The following GLOD4 variants were observed in gnomAD, a reference collection of about 807,000 sequenced individuals.
The protein encoded by GLOD4 is glyoxalase domain containing 4.
Under a neutral mutation model 39.1 loss-of-function variants are expected in GLOD4, and 44 were observed. The observed-to-expected ratio is 1.13, with a 90% CI of 0.88 to 1.45. The LOEUF is 1.45. GLOD4 is among the 40% of genes most tolerant of loss of function. GLOD4 has a pLI of 0.00. For missense variants in GLOD4, 405 were observed against 366.4 expected (o/e 1.11, Z -0.86); for synonymous variants, 145 against 135.0 (o/e 1.07, Z -0.52).
In GLOD4 at chr17:776,987, G is replaced by A. The variant is rs1458879034; in HGVS notation, c.142C>T (p.Pro48Ser). ...GTTTTACTCCATTTCCCATCATAAG[G>A]CCTAGAAAATAAAAGTAAATGAACT... is the stretch of plus-strand genomic sequence containing the variant. ...EEGCKAACNGPYDGKWSKTMV... is the reference protein window; with the variant it reads ...EEGCKAACNGSYDGKWSKTMV... Residue 48 changes from proline (P) to serine (S), a missense_variant and splice_region_variant, in exon 3 of 9, where the codon CCT becomes TCT. Transcript: ENST00000301329. 5.0e-6 allele frequency: 8 copies of A among 1,610,236 alleles called. No homozygotes were observed. Among genetic ancestry groups the A allele is most frequent in the Non-Finnish European group, 6.8e-6 (8 of 1,176,616 alleles).
In GLOD4 at chr17:770,556, A is replaced by G. The variant is rs189223792; in HGVS notation, c.544-49T>C. ...TTTTGGAACAGGTTATACATTCATT[A>G]CACGTATGTGGTAGAAAAATTCAAA... On this transcript the variant is annotated intron_variant, in intron 5 of 8. Transcript: ENST00000301329. 3.0e-4 allele frequency: 254 copies of G among 842,906 alleles called. No individual in the cohort carries two copies. In the African/African-American group the frequency reaches 3.7e-3, roughly 12 times the overall value. 52.2% of individuals were successfully genotyped at this position (842,906 alleles called of 1,614,324 possible). A position where few individuals can be genotyped will look rare whatever the true frequency, so the allele number is the denominator to read the frequency against.
chr17:770,011 G>A, intron 7 of GLOD4, 33 bp downstream of exon 7: 11 of 1,551,630 alleles, frequency 7.1e-6, no homozygotes, highest in Non-Finnish European at 9.8e-6. Context: ...GAAACCCCTG[G>A]TCCAGCCTGC....
rs751544414 is a variant in GLOD4 at position 782,265 on chromosome 17, C to T, written c.-10G>A. 3 of 1,613,058 alleles carry T rather than the reference C, an allele frequency of 1.9e-6. No individual in the cohort carries two copies. Among genetic ancestry groups the T allele is most frequent in the African/African-American group, 2.7e-5 (2 of 74,918 alleles). On this transcript the variant is annotated 5_prime_UTR_variant, in exon 1 of 9. Transcript: ENST00000301329. ...CTCTGCGAGCAGCCATGATTCCCGC[C>T]GCACGCAGCCGTCACGCGCACCGTA...
At chr17:777,170 C>A (rs1670561341) in intron 2 of GLOD4, 182 bp from the exon 3 acceptor site, 4 of 602,618 alleles carry the variant, frequency 6.6e-6, no homozygotes, top group Non-Finnish European at 1.2e-5. Context: ...GACCCTACTA[C>A]AAGCTCCAAA....
intron 8 of GLOD4, among the ~76,000 whole-genome samples, chr17:762,001 C>A (rs1251265371): frequency 2.0e-5 from 3 of 152,192 alleles, no homozygotes; most frequent in Non-Finnish European, 4.4e-5. Context: ...ATGTCACATG[C>A]TCTGTCAGAG....
Position 773,858 on chromosome 17 carries a change from T to TTAACGC in GLOD4, c.406+1911_406+1916dup, listed in dbSNP as rs1209651131. 3.3e-5 allele frequency among the ~76,000 whole-genome samples: 5 copies of TTAACGC among 152,192 alleles called. No individual in the cohort carries two copies. In the East Asian group the frequency reaches 5.8e-4, roughly 18 times the overall value. Reference sequence around the variant, plus strand: ...GCCTGAAGGGACGCAGGACAGGAAGTTAACGCGTGGGTGAAGCTGCACAGA... The same window carrying TTAACGC: ...GCCTGAAGGGACGCAGGACAGGAAGTTAACGCTAACGCGTGGGTGAAGCTGCACAGA... On this transcript the variant is annotated intron_variant, in intron 4 of 8. Transcript: ENST00000301329.
At chr17:771,143 T>G (rs1196032868) in intron 5 of GLOD4, 182 bp downstream of exon 5, 1 of 463,394 alleles carries the variant, frequency 2.2e-6, no homozygotes, top group Non-Finnish European at 3.8e-6. Context: ...CAAGGTAATA[T>G]CTGGGTGGTA....
At chr17:764,549 G>A (rs1471895129) in intron 8 of GLOD4, 2 of 152,034 alleles carry the variant, frequency 1.3e-5, no homozygotes, top group East Asian at 3.8e-4. Context: ...ACACTAGAAT[G>A]TTCATGGCAG....
chr17:762,279 AAAT>A (rs2144264386), intron 8 of GLOD4, among the ~76,000 whole-genome samples: 1 of 152,382 alleles, frequency 6.6e-6, no homozygotes, highest in South Asian at 2.1e-4. Context: ...AAACACAACA[AAAT>A]AACACCAAAA....
chr17:770,976 C>T (rs1459497469), intron 5 of GLOD4: 1 of 205,948 alleles, frequency 4.9e-6, no homozygotes, highest in East Asian at 1.4e-4. Context: ...TAAAATAATT[C>T]CTAGGAGTAG....
chr17:778,703 G>C lies in GLOD4; in HGVS notation c.132C>G (p.Ala44=), dbSNP rs1379635770. 5.1e-6 allele frequency: 8 copies of C among 1,583,890 alleles called. No homozygotes were observed. The Admixed American group carries it at 1.0e-4, about 20-fold the overall frequency. ...HEEFEEGCKA[A]CNGPYDGKWS... ...GAAACAAGGTATCATACCCATTACA[G>C]GCAGCTTTGCAGCCTTCTTCAAATT... The change falls in exon 2 of 9, where the codon GCC becomes GCG. Residue 44 remains alanine, a synonymous_variant. Coordinates refer to ENST00000301329, the MANE Select transcript of GLOD4 (RefSeq NM_016080.4).
At chr17:773,234 G>A (rs1908300554) in intron 4 of GLOD4, among the ~76,000 whole-genome samples, 1 of 152,112 alleles carries the variant, frequency 6.6e-6, no homozygotes, top group Non-Finnish European at 1.5e-5. Context: ...GAAAGAACAA[G>A]TCCATTTTCA....
Position 762,246 on chromosome 17 carries a change from C to T in GLOD4, c.832-2008G>A, listed in dbSNP as rs138370109. Among the ~76,000 whole-genome samples the T allele has an allele frequency of 6.4e-3, 982 of 152,282 alleles. 10 individuals are homozygous for T. The highest frequency in any genetic ancestry group is 0.017 in the Middle Eastern group (5 of 294). ...AAAGTGACTGTCTGTAAATCTAAAA[C>T]GACTATTAAATGTTAAAAAACAAAA... On this transcript the variant is annotated intron_variant, in intron 8 of 8. Coordinates refer to ENST00000301329, the MANE Select transcript of GLOD4 (RefSeq NM_016080.4).
rs1480149536 is a variant in GLOD4, at chr17:760,361, C to T, written c.832-123G>A. The T allele has an allele frequency of 1.6e-5, 10 of 629,488 alleles. 1 individual carries two copies. The South Asian group carries it at 1.8e-4, about 11-fold the overall frequency. The allele number at this position is 629,488 out of a possible 1,614,324, so 39.0% of individuals were successfully genotyped here. ...TTAACATTAAAAAAAGGACCCAAAC[C>T]CCCGCTCCAAAAAAAAGAGAAGAGA... On this transcript the variant is annotated intron_variant, in intron 8 of 8. Transcript: ENST00000301329.
chr17:784,288 G>T (rs1017863551), upstream of GLOD4, among the ~76,000 whole-genome samples: 1 of 152,190 alleles, frequency 6.6e-6, no homozygotes. Flanking sequence ...GAGTCACAGG[G>T]ATCTGTGCCT....
At chr17:781,238 C>T (rs1909893226) in intron 1 of GLOD4, among the ~76,000 whole-genome samples, 1 of 152,156 alleles carries the variant, frequency 6.6e-6, no homozygotes, top group Admixed American at 6.6e-5. Context: ...ATCTTTGCAA[C>T]AACCTTTTGA....
chr17:764,780 G>A (rs1335726256), intron 8 of GLOD4: 3 of 150,814 alleles, frequency 2.0e-5, no homozygotes, highest in East Asian at 2.1e-4. Context: ...AGGCCAAGGT[G>A]GGTGGATCAC....
rs1907745779 is a variant in GLOD4 at position 770,420 on chromosome 17, C to A, written c.630+1G>T. The A allele has an allele frequency of 1.4e-6, 2 of 1,479,366 alleles. No individual in the cohort carries two copies. Among genetic ancestry groups the A allele is most frequent in the Non-Finnish European group, 1.9e-6 (2 of 1,056,646 alleles). The allele number at this position is 1,479,366 out of a possible 1,614,324, so 91.6% of individuals were successfully genotyped here. The stretch of plus-strand genomic sequence containing the variant: ...TCAAACGATCTGGTATCAAGCGTTA[C>A]CTCTTTCTGGGGGCAAGAGAAGGCA... On this transcript the variant is annotated splice_donor_variant, in intron 6 of 8. Coordinates refer to ENST00000301329, the MANE Select transcript of GLOD4 (RefSeq NM_016080.4). LOFTEE classifies it high-confidence loss of function.
chr17:784,606 T>G (rs1311549362), upstream of GLOD4, among the ~76,000 whole-genome samples: 1 of 152,164 alleles, frequency 6.6e-6, no homozygotes, highest in Non-Finnish European at 1.5e-5. Flanking sequence ...TTGAACTTCA[T>G]CATCATACCT....
Sources: gnomAD v4.1 joint callset for allele counts (sites outside exome capture counted in the v4.1 genomes callset) on GRCh38, gnomAD v4.1.1 for gene constraint, MANE v1.5 for transcripts, NCBI Gene and HGNC (gene_info 2026-07-23, HGNC 2026-07-21) for gene names.